Variants in NECAB1 observed in about 807,000 individuals in gnomAD.
NECAB1 encodes N-terminal EF-hand calcium-binding protein 1.
A neutral mutation model predicts 57.5 loss-of-function variants in NECAB1; 29 were observed. That is an observed-to-expected ratio of 0.50 (90% CI 0.38 to 0.69). The LOEUF (loss-of-function observed/expected upper bound fraction) is 0.69, where lower values mean the gene tolerates loss of function less well. NECAB1 is among the 30% of genes least tolerant of loss of function. The pLI, the probability that NECAB1 is intolerant of heterozygous loss-of-function variation, is 0.00. For missense variants in NECAB1, 372 were observed against 413.8 expected (o/e 0.90, Z 0.88); for synonymous variants, 142 against 147.7 (o/e 0.96, Z 0.28).
At chr8:90,867,159 G>C (rs902762872) in intron 3 of NECAB1, among the ~76,000 whole-genome samples, 2 of 152,164 alleles carry the variant, frequency 1.3e-5, no homozygotes, top group Admixed American at 1.3e-4. Flanking sequence ...AAACACTATA[G>C]TATTTTACAA....
chr8:90,838,779 T>C (rs1007638110), intron 3 of NECAB1, among the ~76,000 whole-genome samples: 2 of 152,228 alleles, frequency 1.3e-5, no homozygotes, highest in African/African-American at 2.4e-5. Context: ...TTCAAATACC[T>C]GCTATAATCT....
intron 8 of NECAB1, among the ~76,000 whole-genome samples, chr8:90,931,927 A>T (rs896877706): frequency 6.6e-6 from 1 of 151,386 alleles, no homozygotes. Flanking sequence ...AAAATAAAAT[A>T]AACAAAAATA....
At chr8:90,801,977 C>T (rs567190955) in intron 2 of NECAB1, among the ~76,000 whole-genome samples, 1 of 152,290 alleles carries the variant, frequency 6.6e-6, no homozygotes, top group East Asian at 1.9e-4. Flanking sequence ...CCTTTTCATG[C>T]ACCAAAAAAT....
At chr8:90,856,860 A>G (rs993430435) in intron 3 of NECAB1, among the ~76,000 whole-genome samples, 6 of 152,190 alleles carry the variant, frequency 3.9e-5, no homozygotes, top group Admixed American at 3.9e-4. Flanking sequence ...CTCCCTTGTA[A>G]GATGACCGAT....
chr8:90,859,996 A>G (rs1386109), intron 3 of NECAB1, among the ~76,000 whole-genome samples: 70,945 of 151,846 alleles, frequency 0.47, 20,086 homozygotes, highest in East Asian at 0.77. Context: ...TCAGAGCAAG[A>G]AAATAACTTG....
At chr8:90,880,568 A>G (rs1388527987) in intron 4 of NECAB1, among the ~76,000 whole-genome samples, 6 of 151,732 alleles carry the variant, frequency 4.0e-5, no homozygotes, top group African/African-American at 1.5e-4. Flanking sequence ...GGACAGTTAC[A>G]TAGAAGGTGC....
At chr8:90,927,243 C>A (rs1232859588) in intron 7 of NECAB1, among the ~76,000 whole-genome samples, 1 of 127,858 alleles carries the variant, frequency 7.8e-6, no homozygotes, top group Non-Finnish European at 1.6e-5. Flanking sequence ...GTGGCAGTGC[C>A]AGTGCTCATT....
intron 3 of NECAB1, among the ~76,000 whole-genome samples, chr8:90,826,151 A>T (rs2129710657): frequency 6.6e-6 from 1 of 151,996 alleles, no homozygotes; most frequent in South Asian, 2.1e-4. Context: ...CAGAGGGAGA[A>T]GCATGAGAAA....
At chr8:90,797,183 G>A (rs1297504727) in intron 1 of NECAB1, among the ~76,000 whole-genome samples, 2 of 152,040 alleles carry the variant, frequency 1.3e-5, no homozygotes, top group African/African-American at 4.8e-5. Context: ...AAATAATCTG[G>A]GTCTCATTTT....
At chr8:90,810,070 A>G (rs944198494) in intron 2 of NECAB1, among the ~76,000 whole-genome samples, 1 of 152,200 alleles carries the variant, frequency 6.6e-6, no homozygotes, top group Non-Finnish European at 1.5e-5. Flanking sequence ...GCATGGAGTG[A>G]GTAAATAGGA....
chr8:90,810,811 T>G (rs1329172533), intron 2 of NECAB1, among the ~76,000 whole-genome samples: 1 of 152,174 alleles, frequency 6.6e-6, no homozygotes, highest in Non-Finnish European at 1.5e-5. Context: ...ACTTAGTCAA[T>G]AAACTCTAAA....
intron 10 of NECAB1, among the ~76,000 whole-genome samples, chr8:90,948,090 A>G (rs570785094): frequency 6.6e-6 from 1 of 152,178 alleles, no homozygotes; most frequent in Non-Finnish European, 1.5e-5. Flanking sequence ...ATTGATATGG[A>G]TTGTAATTTG....
At chr8:90,943,543 T>C (rs1165073287) in intron 10 of NECAB1, among the ~76,000 whole-genome samples, 1 of 152,206 alleles carries the variant, frequency 6.6e-6, no homozygotes, top group Non-Finnish European at 1.5e-5. Context: ...CCTGTATCAA[T>C]TGATAATCAA....
intron 5 of NECAB1, among the ~76,000 whole-genome samples, chr8:90,894,912 G>A (rs934702221): frequency 2.6e-5 from 4 of 152,124 alleles, no homozygotes; most frequent in Non-Finnish European, 5.9e-5. Flanking sequence ...AGTGCTTCAT[G>A]AGACTTCCCT....
chr8:90,846,607 A>G (rs1812563382), intron 3 of NECAB1, among the ~76,000 whole-genome samples: 1 of 152,224 alleles, frequency 6.6e-6, no homozygotes, highest in African/African-American at 2.4e-5. Flanking sequence ...GTCCATTCTC[A>G]TGCTGCTAAT....
intron 7 of NECAB1, among the ~76,000 whole-genome samples, chr8:90,927,742 G>A (rs1022020726): frequency 4.7e-5 from 7 of 149,256 alleles, no homozygotes; most frequent in Admixed American, 1.3e-4. Context: ...TGATTATAGA[G>A]TCCATGTATA....
chr8:90,806,037 T>G (rs949264859), intron 2 of NECAB1, among the ~76,000 whole-genome samples: 1 of 152,172 alleles, frequency 6.6e-6, no homozygotes, highest in Non-Finnish European at 1.5e-5. Context: ...ACAGTATTTG[T>G]TTTTGTGTGG....
intron 3 of NECAB1, chr8:90,858,923 TCAAA>T (rs1812845054): frequency 6.6e-6 from 1 of 152,118 alleles, no homozygotes; most frequent in East Asian, 1.9e-4. Context: ...GAGTTCAAAC[TCAAA>T]CAGTTGGGGT....
At chr8:90,883,382 T>C (rs1344022129) in intron 5 of NECAB1, among the ~76,000 whole-genome samples, 2 of 152,220 alleles carry the variant, frequency 1.3e-5, no homozygotes, top group Admixed American at 6.5e-5. Context: ...ATCTTCACGC[T>C]GTCTAGCACA....
Sources: allele counts gnomAD v4.1 joint callset (sites outside exome capture counted in the v4.1 genomes callset), GRCh38; gene constraint gnomAD v4.1.1; transcripts MANE v1.5; gene names NCBI Gene and HGNC (gene_info 2026-07-23, HGNC 2026-07-21).